The following LRRC1 variants were observed in gnomAD, a reference collection of about 807,000 sequenced individuals.
LRRC1 encodes the protein leucine rich repeat containing 1.
In LRRC1, 28 loss-of-function variants were observed where a neutral mutation model predicts 69.9. The observed-to-expected ratio is 0.40, with a 90% CI of 0.30 to 0.55. The LOEUF (loss-of-function observed/expected upper bound fraction) is 0.55, where lower values mean the gene tolerates loss of function less well. Among genes scored for constraint, LRRC1 ranks in the 20% least tolerant of loss-of-function variants. LRRC1 has a pLI of 0.47. For synonymous variants in LRRC1, 236 were observed against 240.2 expected, an observed-to-expected ratio of 0.98 and a Z score of 0.16; for missense variants, 498 against 609.0, an observed-to-expected ratio of 0.82 and a Z score of 1.92.
intron 1 of LRRC1, among the ~76,000 whole-genome samples, chr6:53,796,128 C>G (rs1764294833): frequency 6.6e-6 from 1 of 152,238 alleles, no homozygotes; most frequent in South Asian, 2.1e-4. Context: ...GGAGGCTCTG[C>G]CCGCGGGCCA....
chr6:53,826,505 G>T (rs963892676), intron 1 of LRRC1, among the ~76,000 whole-genome samples: 1 of 152,140 alleles, frequency 6.6e-6, no homozygotes, highest in African/African-American at 2.4e-5. Context: ...CCCATGTGCA[G>T]TTAGCCTCTA....
chr6:53,902,495 G>C, intron 8 of LRRC1, 134 bp from the exon 9 acceptor site: 1 of 496,074 alleles, frequency 2.0e-6, no homozygotes, highest in Non-Finnish European at 3.5e-6. Context: ...GTTTCATAAT[G>C]TGAAAAGCTA....
At chr6:53,800,753 T>C (rs181832011) in intron 1 of LRRC1, among the ~76,000 whole-genome samples, 2 of 151,298 alleles carry the variant, frequency 1.3e-5, no homozygotes, top group Non-Finnish European at 2.9e-5. Context: ...GATTCTCCTG[T>C]CTCAGCCCCC....
intron 6 of LRRC1, 73 bp from the exon 7 acceptor site, chr6:53,897,212 A>G: frequency 1.0e-6 from 1 of 986,554 alleles, no homozygotes; most frequent in Non-Finnish European, 1.6e-6. Flanking sequence ...AGATGAATTC[A>G]GTTTCTTTCT....
At chr6:53,803,328 C>T (rs1023036754) in intron 1 of LRRC1, among the ~76,000 whole-genome samples, 1 of 152,166 alleles carries the variant, frequency 6.6e-6, no homozygotes, top group Non-Finnish European at 1.5e-5. Flanking sequence ...GCAGGCTTCT[C>T]ACTGTGCTCA....
intron 2 of LRRC1, among the ~76,000 whole-genome samples, chr6:53,844,274 G>A (rs894148090): frequency 1.5e-4 from 23 of 152,188 alleles, no homozygotes; most frequent in African/African-American, 5.1e-4. Context: ...AAATGGTCAC[G>A]AAAGTCACAA....
intron 10 of LRRC1, among the ~76,000 whole-genome samples, chr6:53,912,254 G>A (rs935395214): frequency 4.6e-5 from 7 of 152,166 alleles, no homozygotes; most frequent in African/African-American, 1.4e-4. Flanking sequence ...TGCTGTCAGA[G>A]GGTTAGACCG....
chr6:53,839,315 T>A (rs547725470), intron 1 of LRRC1, among the ~76,000 whole-genome samples: 5 of 152,208 alleles, frequency 3.3e-5, no homozygotes, highest in Admixed American at 3.3e-4. Flanking sequence ...ATATACAATC[T>A]TTTTTACCAA....
chr6:53,898,682 A>C (rs1478428449), intron 7 of LRRC1, among the ~76,000 whole-genome samples: 3 of 152,250 alleles, frequency 2.0e-5, no homozygotes, highest in Non-Finnish European at 4.4e-5. Context: ...ATACAAAGGC[A>C]TTGTTAAAAG....
intron 2 of LRRC1, among the ~76,000 whole-genome samples, chr6:53,849,599 A>G (rs1562042604): frequency 6.6e-6 from 1 of 152,238 alleles, no homozygotes; most frequent in East Asian, 1.9e-4. Flanking sequence ...CACCACTGCA[A>G]ACAGCGCTCT....
chr6:53,868,795 A>C (rs79304545), intron 2 of LRRC1, among the ~76,000 whole-genome samples: 1,710 of 152,172 alleles, frequency 0.011, 22 homozygotes, highest in East Asian at 0.041. Flanking sequence ...CATTTTGATA[A>C]CCTGTTGTTC....
chr6:53,814,153 A>G (rs111817871), intron 1 of LRRC1, among the ~76,000 whole-genome samples: 2 of 152,278 alleles, frequency 1.3e-5, no homozygotes, highest in African/African-American at 4.8e-5. Context: ...AGCTCAATTT[A>G]CTTGGCTAAA....
chr6:53,797,899 T>C (rs552916778), intron 1 of LRRC1, among the ~76,000 whole-genome samples: 124 of 152,342 alleles, frequency 8.1e-4, no homozygotes, highest in African/African-American at 2.6e-3. Context: ...CAAATACAAT[T>C]GCTTTGGACA....
rs532421379 is a variant in LRRC1 at position 53,905,774 on chromosome 6, G to A, written c.990+1312G>A. On this transcript the variant is annotated intron_variant, in intron 10 of 13. Transcript: ENST00000370888. ...CCAGCATTTCTAAATGGAGACATGA[G>A]AATATTTACTATAAACATGATCATA... Among the ~76,000 whole-genome samples the A allele has an allele frequency of 1.6e-4, 24 of 152,188 alleles. No individual in the cohort carries two copies. The East Asian group carries it at 4.6e-3, about 29-fold the overall frequency.
In LRRC1 at chr6:53,840,884, T is replaced by TTGTGTG. The variant is rs57491487; in HGVS notation, c.160-1187_160-1182dup. Among the ~76,000 whole-genome samples, 840 of 125,246 alleles carry TTGTGTG rather than the reference T, an allele frequency of 6.7e-3. 5 individuals carry two copies. Among genetic ancestry groups the TTGTGTG allele is most frequent in the African/African-American group, 0.012 (393 of 33,108 alleles). The allele number at this position is 125,246 out of a possible 152,430, so 82.2% of individuals were successfully genotyped here. A position where few individuals can be genotyped will look rare whatever the true frequency, so the allele number is the denominator to read the frequency against. On this transcript the variant is annotated intron_variant, in intron 1 of 13. Coordinates refer to ENST00000370888, the MANE Select transcript of LRRC1 (RefSeq NM_018214.5). Reference sequence around the variant, plus strand: ...TCCTCTGGGGTGGGGGGGTATGTGTTTGTGTGTGTGTGTGTGTGTGTGTGT... The same window carrying TTGTGTG: ...TCCTCTGGGGTGGGGGGGTATGTGTTTGTGTGTGTGTGTGTGTGTGTGTGTGTGTGT...
At chr6:53,883,094 C>T in intron 4 of LRRC1, 118 bp downstream of exon 4, 1 of 632,274 alleles carries the variant, frequency 1.6e-6, no homozygotes, top group Non-Finnish European at 2.7e-6. Context: ...TTTACTCATT[C>T]TTTAATGTGA....
chr6:53,886,597 C>T (rs1202358246), intron 4 of LRRC1, among the ~76,000 whole-genome samples: 2 of 152,170 alleles, frequency 1.3e-5, no homozygotes, highest in Non-Finnish European at 2.9e-5. Flanking sequence ...TTTTCATACA[C>T]TTTGTTAATT....
chr6:53,907,514 G>A (rs999991157), intron 10 of LRRC1, among the ~76,000 whole-genome samples: 1 of 152,130 alleles, frequency 6.6e-6, no homozygotes, highest in Non-Finnish European at 1.5e-5. Flanking sequence ...GGTGTTATTT[G>A]TAGTAAACAT....
chr6:53,857,005 G>T (rs1213589253), intron 2 of LRRC1, among the ~76,000 whole-genome samples: 1 of 152,198 alleles, frequency 6.6e-6, no homozygotes, highest in East Asian at 1.9e-4. Context: ...CTGAAGAAAT[G>T]ATCAGGTCTG....
Sources: allele counts gnomAD v4.1 joint callset (sites outside exome capture counted in the v4.1 genomes callset), GRCh38; gene constraint gnomAD v4.1.1; transcripts MANE v1.5; gene names NCBI Gene and HGNC (gene_info 2026-07-23, HGNC 2026-07-21).